The following RSF1 variants were observed in gnomAD, a reference collection of about 807,000 sequenced individuals.
RSF1 encodes the protein HBV pX-associated protein 8.
In RSF1, 13 loss-of-function variants were observed where a neutral mutation model predicts 145.2. That is an observed-to-expected ratio of 0.09 (90% CI 0.06 to 0.14). The LOEUF (loss-of-function observed/expected upper bound fraction) is 0.14, where lower values mean the gene tolerates loss of function less well. RSF1 is among the 10% of genes least tolerant of loss of function. RSF1 has a pLI of 1.00. For synonymous variants in RSF1, 577 were observed against 592.6 expected, an observed-to-expected ratio of 0.97 and a Z score of 0.38; for missense variants, 1,517 against 1,718.2, an observed-to-expected ratio of 0.88 and a Z score of 2.07.
chr11:77,692,345 C>T (rs556596726), intron 8 of RSF1, among the ~76,000 whole-genome samples: 4 of 112,130 alleles, frequency 3.6e-5, no homozygotes, highest in Admixed American at 2.1e-4. Context: ...CCTGGGTTCA[C>T]GCCATTCTCC....
chr11:77,680,058 C>T (rs897826338), intron 11 of RSF1, among the ~76,000 whole-genome samples: 5 of 152,124 alleles, frequency 3.3e-5, no homozygotes, highest in Non-Finnish European at 5.9e-5. Flanking sequence ...CCATATCAGA[C>T]ATCAAAGAAA....
At chr11:77,820,063 G>A (rs1323483851) in intron 1 of RSF1, among the ~76,000 whole-genome samples, 2 of 152,180 alleles carry the variant, frequency 1.3e-5, no homozygotes, top group African/African-American at 4.8e-5. Context: ...CGGAGCAGCC[G>A]AGCCCAGCCT....
chr11:77,763,508 T>C (rs1019884843), intron 2 of RSF1: 1 of 152,176 alleles, frequency 6.6e-6, no homozygotes, highest in Non-Finnish European at 1.5e-5. Flanking sequence ...CCAGACAAGT[T>C]ACTCTATTTA....
At chr11:77,692,504 A>G (rs1346549266) in intron 8 of RSF1, among the ~76,000 whole-genome samples, 1 of 102,804 alleles carries the variant, frequency 9.7e-6, no homozygotes, top group East Asian at 2.9e-4. Flanking sequence ...TCGGCCTCCC[A>G]AAGTGCTGGG....
chr11:77,787,206 A>G (rs1321298043), intron 1 of RSF1, among the ~76,000 whole-genome samples: 3 of 152,172 alleles, frequency 2.0e-5, no homozygotes, highest in Non-Finnish European at 4.4e-5. Flanking sequence ...ACACAGGTCT[A>G]TGAACAAGGC....
the RSF1 span, chr11:77,841,225 G>A: frequency 5.7e-6 from 4 of 702,374 alleles, no homozygotes; most frequent in South Asian, 4.4e-5. Context: ...GCTCTTAAAG[G>A]TCCCACCTCT....
the RSF1 span, among the ~76,000 whole-genome samples, chr11:77,825,933 C>T: frequency 1.3e-5 from 2 of 152,096 alleles, no homozygotes; most frequent in African/African-American, 2.4e-5. Flanking sequence ...CTCAGATGAT[C>T]TGCTCACCTC....
Position 77,701,724 on chromosome 11 carries a change from A to T in RSF1, c.1505T>A (p.Leu502His). The change falls in exon 6 of 16, where the codon CTT (leucine) becomes CAT (histidine). Residue 502 changes from leucine (L) to histidine (H), a missense_variant. Transcript: ENST00000308488. ...CCTCAAAGGGGCTGTTTCTTTCTCA[A>T]GCTCACCTGTTTTCATACTTGTTAT... ...SVITSMKTGE[L>H]EKETAPLRKD... 2.5e-6 allele frequency: 4 copies of T among 1,613,576 alleles called. No individual in the cohort carries two copies. The highest frequency in any genetic ancestry group is 2.2e-5 in the East Asian group (1 of 44,860).
chr11:77,713,629 T>A (rs904564118), intron 5 of RSF1, among the ~76,000 whole-genome samples: 1 of 152,238 alleles, frequency 6.6e-6, no homozygotes, highest in Non-Finnish European at 1.5e-5. Context: ...GACACCTATC[T>A]CTTGGATCTT....
At chr11:77,719,536 A>G (rs1960896521) in intron 5 of RSF1, among the ~76,000 whole-genome samples, 1 of 152,238 alleles carries the variant, frequency 6.6e-6, no homozygotes. Context: ...ACATATAAAA[A>G]TGATGATCCA....
At position 77,774,617 on chromosome 11, in the gene RSF1, T is replaced by A. The variant is rs188098261; in HGVS notation, c.188-9928A>T. Reference sequence around the variant, plus strand: ...ATAAATAAATAAATAAATAAATAAATAAAATAAAGAAAAGAGAGTTCCTAG... The same window carrying A: ...ATAAATAAATAAATAAATAAATAAAAAAAATAAAGAAAAGAGAGTTCCTAG... On this transcript the variant is annotated intron_variant, in intron 1 of 15. Coordinates refer to ENST00000308488, the MANE Select transcript of RSF1 (RefSeq NM_016578.4). 1.4e-3 allele frequency among the ~76,000 whole-genome samples: 166 copies of A among 120,500 alleles called. 1 individual carries two copies. The highest frequency in any genetic ancestry group is 6.6e-3 in the Admixed American group (78 of 11,748). 79.1% of individuals were successfully genotyped at this position (120,500 alleles called of 152,430 possible). A position where few individuals can be genotyped will look rare whatever the true frequency, so the allele number is the denominator to read the frequency against.
At chr11:77,684,651 C>T (rs1263461559) in intron 10 of RSF1, among the ~76,000 whole-genome samples, 2 of 152,074 alleles carry the variant, frequency 1.3e-5, no homozygotes, top group Admixed American at 6.6e-5. Context: ...GGTGATTTCT[C>T]GAAGGTCTTA....
intron 1 of RSF1, among the ~76,000 whole-genome samples, chr11:77,784,081 C>A (rs2135959448): frequency 6.6e-6 from 1 of 152,250 alleles, no homozygotes; most frequent in South Asian, 2.1e-4. Flanking sequence ...ATTTTGCATT[C>A]ATTATTCTTC....
intron 1 of RSF1, among the ~76,000 whole-genome samples, chr11:77,770,306 C>CA (rs1243896132): frequency 3.3e-5 from 5 of 151,954 alleles, no homozygotes; most frequent in African/African-American, 1.2e-4. Context: ...ACTAAAAATA[C>CA]AAAAAATTAG....
chr11:77,776,142 G>T (rs1005492296), intron 1 of RSF1, among the ~76,000 whole-genome samples: 11 of 152,052 alleles, frequency 7.2e-5, no homozygotes, highest in African/African-American at 2.4e-4. Context: ...TGGAGCCCAG[G>T]ACTTCAAGGC....
At chr11:77,754,787 A>ATTAGCC (rs1219926048) in intron 2 of RSF1, among the ~76,000 whole-genome samples, 4 of 151,964 alleles carry the variant, frequency 2.6e-5, no homozygotes, top group Non-Finnish European at 5.9e-5. Flanking sequence ...AACTAACAGA[A>ATTAGCC]TTAGCCAGGT....
At chr11:77,815,491 T>C (rs1226420755) in intron 1 of RSF1, among the ~76,000 whole-genome samples, 15 of 152,204 alleles carry the variant, frequency 9.9e-5, no homozygotes, top group Non-Finnish European at 2.1e-4. Flanking sequence ...CTTGAATACA[T>C]GATTCAGTTT....
At chr11:77,779,666 TG>T (rs1464620394) in intron 1 of RSF1, among the ~76,000 whole-genome samples, 1 of 152,170 alleles carries the variant, frequency 6.6e-6, no homozygotes, top group East Asian at 1.9e-4. Flanking sequence ...CCACCACACC[TG>T]GCCTCTTAAA....
At chr11:77,854,872 G>A in the RSF1 span, among the ~76,000 whole-genome samples, 1 of 152,164 alleles carries the variant, frequency 6.6e-6, no homozygotes, top group Non-Finnish European at 1.5e-5. Flanking sequence ...TGAGGGCTAC[G>A]CACCCCCAGC....
Sources: allele counts gnomAD v4.1 joint callset (sites outside exome capture counted in the v4.1 genomes callset), GRCh38; gene constraint gnomAD v4.1.1; transcripts MANE v1.5; gene names NCBI Gene and HGNC (gene_info 2026-07-23, HGNC 2026-07-21).